The following CACNA1D variants were observed in gnomAD, a reference collection of about 807,000 sequenced individuals.
CACNA1D encodes the protein calcium voltage-gated channel subunit alpha1 D, also known as voltage-dependent L-type calcium channel subunit alpha-1D.
Under a neutral mutation model 257.1 loss-of-function variants are expected in CACNA1D, and 55 were observed. That is an observed-to-expected ratio of 0.21 (90% CI 0.17 to 0.27). CACNA1D has a LOEUF of 0.27. Ranked by LOEUF, CACNA1D falls within the 10% of genes least tolerant of loss-of-function variation. CACNA1D has a pLI of 1.00. For synonymous variants in CACNA1D, 980 were observed against 1,014.9 expected (o/e 0.97, Z 0.65); for missense variants, 1,876 against 2,784.0 (o/e 0.67, Z 7.34).
At chr3:53,586,987 T>C (rs1311234646) in intron 3 of CACNA1D, among the ~76,000 whole-genome samples, 1 of 151,782 alleles carries the variant, frequency 6.6e-6, no homozygotes, top group Non-Finnish European at 1.5e-5. Context: ...CTTTGCTGGG[T>C]GAAGAGAGTC....
intron 22 of CACNA1D, 21 bp from the exon 23 acceptor site, chr3:53,744,719 G>A (rs201382284): frequency 2.1e-4 from 293 of 1,409,552 alleles, no homozygotes; most frequent in Non-Finnish European, 2.6e-4. Flanking sequence ...TCTGCCTGCC[G>A]TCTTTCTGCT....
rs538551959 is a variant in CACNA1D, at chr3:53,504,198, G to C, written c.483+2478G>C. Reference sequence around the variant, plus strand: ...ATTTAATGTGAATGGTAAAATCAAAGGGCAGACGCTGAAATGAGTTGCAAG... The same window carrying C: ...ATTTAATGTGAATGGTAAAATCAAACGGCAGACGCTGAAATGAGTTGCAAG... On this transcript the variant is annotated intron_variant, in intron 3 of 47. Coordinates refer to ENST00000350061, the MANE Select transcript of CACNA1D (RefSeq NM_001128840.3). Among the ~76,000 whole-genome samples the C allele has an allele frequency of 6.6e-5, 10 of 152,142 alleles. 1 individual carries two copies. In the South Asian group the frequency reaches 1.5e-3, roughly 22 times the overall value.
At chr3:53,696,869 A>T (rs1559530888) in intron 8 of CACNA1D, among the ~76,000 whole-genome samples, 2 of 152,164 alleles carry the variant, frequency 1.3e-5, no homozygotes, top group Non-Finnish European at 2.9e-5. Flanking sequence ...TCTGACCTTC[A>T]TCCTTGAGGG....
chr3:53,646,095 G>C (rs2094017206), intron 3 of CACNA1D, among the ~76,000 whole-genome samples: 1 of 152,234 alleles, frequency 6.6e-6, no homozygotes, highest in Non-Finnish European at 1.5e-5. Flanking sequence ...ATAAAGCAGG[G>C]ACGGCAAAGA....
At chr3:53,662,213 A>G (rs775438341) in intron 5 of CACNA1D, among the ~76,000 whole-genome samples, 2 of 152,180 alleles carry the variant, frequency 1.3e-5, no homozygotes, top group Non-Finnish European at 2.9e-5. Context: ...TGTGTATGGA[A>G]ATATATATTC....
chr3:53,687,394 G>A (rs990646897), intron 8 of CACNA1D, among the ~76,000 whole-genome samples: 6 of 152,080 alleles, frequency 3.9e-5, no homozygotes, highest in Non-Finnish European at 7.4e-5. Context: ...TACAATGTTT[G>A]ACATAAAGAT....
chr3:53,673,109 A>G lies in CACNA1D; in HGVS notation c.1203A>G (p.Val401=). 9 of 1,550,984 alleles carry G rather than the reference A, an allele frequency of 5.8e-6. No individual in the cohort carries two copies. Among genetic ancestry groups the G allele is most frequent in the South Asian group, 2.4e-5 (2 of 84,006 alleles). Residue 401 remains valine (V), a synonymous_variant, in exon 8 of 48, where the codon GTA becomes GTG. Transcript: ENST00000350061. This position sits in a 1 kb window ranked among gnomAD's most constrained non-coding sequence, Gnocchi z 4.1. ...IFGSFFVLNL[V]LGVLSGEFSK... ...GGTCATTTTTCGTACTAAATCTTGT[A>G]CTTGGTGTATTGAGCGGGTAAGCTA...
At chr3:53,562,926 T>C (rs1156790420) in intron 3 of CACNA1D, among the ~76,000 whole-genome samples, 1 of 152,346 alleles carries the variant, frequency 6.6e-6, no homozygotes, top group African/African-American at 2.4e-5. Flanking sequence ...ATAGCCTTTA[T>C]ACAAGGCTGA....
At chr3:53,674,106 C>T (rs535884214) in intron 8 of CACNA1D, 2 of 519,242 alleles carry the variant, frequency 3.9e-6, no homozygotes, top group South Asian at 2.1e-5. Context: ...TAAAGGAATT[C>T]CAGCCTTGGT....
intron 6 of CACNA1D, among the ~76,000 whole-genome samples, 176 bp from the exon 7 acceptor site, chr3:53,666,163 G>C (rs975844175): frequency 1.3e-5 from 2 of 152,198 alleles, no homozygotes; most frequent in Admixed American, 1.3e-4. Flanking sequence ...GGAAATGGCA[G>C]ATTCCGCTAA....
chr3:53,583,493 C>A (rs570665165), intron 3 of CACNA1D, among the ~76,000 whole-genome samples: 2 of 152,190 alleles, frequency 1.3e-5, no homozygotes, highest in South Asian at 4.1e-4. Flanking sequence ...TGTGCCTCTT[C>A]ACATGTTCCA....
intron 5 of CACNA1D, among the ~76,000 whole-genome samples, chr3:53,664,755 T>C (rs1299268017): frequency 2.0e-5 from 3 of 152,204 alleles, no homozygotes; most frequent in South Asian, 4.1e-4. Context: ...GCATGGACCT[T>C]GGGGGACTGA....
chr3:53,590,705 T>C (rs2093291099), intron 3 of CACNA1D, among the ~76,000 whole-genome samples: 2 of 152,224 alleles, frequency 1.3e-5, no homozygotes, highest in Admixed American at 1.3e-4. Context: ...TTGCCACTTA[T>C]AACTAGGTGA....
chr3:53,799,429 G>A (rs1238074294), intron 40 of CACNA1D, among the ~76,000 whole-genome samples: 1 of 152,218 alleles, frequency 6.6e-6, no homozygotes, highest in Non-Finnish European at 1.5e-5. Flanking sequence ...ACCACAGTGA[G>A]GAAGGCAGCT....
At chr3:53,641,645 G>A (rs1236444409) in intron 3 of CACNA1D, among the ~76,000 whole-genome samples, 2 of 152,096 alleles carry the variant, frequency 1.3e-5, no homozygotes, top group African/African-American at 4.8e-5. Flanking sequence ...CAGAGTCCAT[G>A]TCCCTGGGAT....
chr3:53,744,960 C>A, intron 23 of CACNA1D, 133 bp downstream of exon 23: 1 of 657,064 alleles, frequency 1.5e-6, no homozygotes, highest in Non-Finnish European at 2.8e-6. Context: ...CTAACCAATT[C>A]AGCCACCTGT....
At chr3:53,534,872 G>T (rs2092066203) in intron 3 of CACNA1D, among the ~76,000 whole-genome samples, 1 of 152,126 alleles carries the variant, frequency 6.6e-6, no homozygotes, top group Non-Finnish European at 1.5e-5. Flanking sequence ...GTCCACTCAC[G>T]CCAGCTCCCC....
At chr3:53,672,758 C>CTGTGTGTGTGTGTGTGTGTGTG (rs57956658) in intron 7 of CACNA1D, among the ~76,000 whole-genome samples, 1 of 95,008 alleles carries the variant, frequency 1.1e-5, no homozygotes, top group African/African-American at 4.2e-5. Context: ...CTTGATGACT[C>CTGTGTGTGTGTGTGTGTGTGTG]TGTGTGTGTG....
At chr3:53,634,528 G>A (rs148327495) in intron 3 of CACNA1D, among the ~76,000 whole-genome samples, 2 of 152,280 alleles carry the variant, frequency 1.3e-5, no homozygotes, top group Admixed American at 1.3e-4. Flanking sequence ...GTGCTTGCTA[G>A]TATGTCCCCT....
Sources: allele counts gnomAD v4.1 joint callset (sites outside exome capture counted in the v4.1 genomes callset), GRCh38; gene constraint gnomAD v4.1.1; non-coding constraint Gnocchi (gnomAD v3.1); transcripts MANE v1.5; gene names NCBI Gene and HGNC (gene_info 2026-07-23, HGNC 2026-07-21).